The following ECPAS variants were observed in gnomAD, a reference collection of about 807,000 sequenced individuals.
The protein encoded by ECPAS is Ecm29 proteasome adaptor and scaffold.
Under a neutral mutation model 255.1 loss-of-function variants are expected in ECPAS, and 70 were observed. The observed-to-expected ratio is 0.27, with a 90% CI of 0.23 to 0.33. ECPAS has a LOEUF of 0.33. Among genes scored for constraint, ECPAS ranks in the 10% least tolerant of loss-of-function variants. ECPAS has a pLI of 1.00. For missense variants in ECPAS, 1,817 were observed against 2,206.4 expected, an observed-to-expected ratio of 0.82 and a Z score of 3.54; for synonymous variants, 784 against 775.0, an observed-to-expected ratio of 1.01 and a Z score of -0.19.
At chr9:111,451,977 G>A (rs973065561) in intron 2 of ECPAS, among the ~76,000 whole-genome samples, 1 of 152,126 alleles carries the variant, frequency 6.6e-6, no homozygotes, top group African/African-American at 2.4e-5. Context: ...CCAAAGACAG[G>A]ATCACTGCCC....
At chr9:111,371,154 C>T (rs2098126805) in intron 43 of ECPAS, among the ~76,000 whole-genome samples, 1 of 120,876 alleles carries the variant, frequency 8.3e-6, no homozygotes, top group Non-Finnish European at 1.9e-5. Flanking sequence ...ACTGAGTGTT[C>T]ACTGTTAAGA....
intron 3 of ECPAS, among the ~76,000 whole-genome samples, chr9:111,447,482 G>A (rs917150394): frequency 4.6e-5 from 7 of 151,932 alleles, no homozygotes; most frequent in African/African-American, 9.7e-5. Context: ...AAATATCGGC[G>A]AATTTCCTAA....
intron 48 of ECPAS, among the ~76,000 whole-genome samples, chr9:111,364,147 G>A (rs1257052935): frequency 6.6e-6 from 1 of 152,106 alleles, no homozygotes; most frequent in African/African-American, 2.4e-5. Context: ...CAACAACTGC[G>A]AATGAAACAT....
rs1029072445 is a variant in ECPAS at position 111,474,558 on chromosome 9, C to T, written c.-82-1558G>A. On this transcript the variant is annotated intron_variant, in intron 1 of 49. Coordinates refer to ENST00000684092, the MANE Select transcript of ECPAS (RefSeq NM_001364929.1). The stretch of plus-strand genomic sequence containing the variant: ...TGTTACACCAATGCCACCTGTTACC[C>T]GTACAAAACAGACCTACTCATGTTA... 3.3e-5 allele frequency among the ~76,000 whole-genome samples: 5 copies of T among 152,130 alleles called. No homozygotes were observed. The East Asian group carries it at 7.7e-4, about 23-fold the overall frequency.
chr9:111,477,893 T>C (rs2098298432), intron 1 of ECPAS, among the ~76,000 whole-genome samples: 1 of 151,934 alleles, frequency 6.6e-6, no homozygotes, highest in Non-Finnish European at 1.5e-5. Flanking sequence ...CTGCCTATTT[T>C]TGGCAACTTT....
Position 111,403,923 on chromosome 9 carries a change from A to G in ECPAS, c.2652+4648T>C, listed in dbSNP as rs148758210. Reference sequence around the variant, plus strand: ...CATATCAAGTATCTTTTCTGACCATAATGGAATAAAACTAGAAATCAGTAA... The same window carrying G: ...CATATCAAGTATCTTTTCTGACCATGATGGAATAAAACTAGAAATCAGTAA... On this transcript the variant is annotated intron_variant, in intron 24 of 49. Transcript: ENST00000684092. Among the ~76,000 whole-genome samples the G allele has an allele frequency of 2.0e-5, 3 of 150,130 alleles. 1 individual carries two copies. The highest frequency in any genetic ancestry group is 7.5e-5 in the African/African-American group (3 of 39,752).
At chr9:111,405,520 CAACT>C (rs1287585752) in intron 24 of ECPAS, among the ~76,000 whole-genome samples, 1 of 149,588 alleles carries the variant, frequency 6.7e-6, no homozygotes, top group Non-Finnish European at 1.5e-5. Context: ...AAAGCACAGA[CAACT>C]AAAGCAAAAA....
At chr9:111,461,531 T>A (rs1455051149) in intron 2 of ECPAS, among the ~76,000 whole-genome samples, 2 of 152,078 alleles carry the variant, frequency 1.3e-5, no homozygotes, top group Non-Finnish European at 2.9e-5. Context: ...AAAAAATAAG[T>A]AGACCACTTG....
intron 1 of ECPAS, among the ~76,000 whole-genome samples, chr9:111,475,347 A>T (rs566041435): frequency 2.0e-5 from 3 of 152,324 alleles, no homozygotes; most frequent in Admixed American, 2.0e-4. Flanking sequence ...TTTAACATCT[A>T]TCTTCTGAAC....
intron 48 of ECPAS, among the ~76,000 whole-genome samples, chr9:111,364,092 G>A (rs936868101): frequency 6.6e-6 from 1 of 152,188 alleles, no homozygotes; most frequent in Non-Finnish European, 1.5e-5. Context: ...AGCAAAGAGA[G>A]GTCTGTTGGC....
At chr9:111,364,529 A>C (rs1363533291) in intron 48 of ECPAS, among the ~76,000 whole-genome samples, 2 of 152,232 alleles carry the variant, frequency 1.3e-5, no homozygotes, top group African/African-American at 4.8e-5. Flanking sequence ...TCAAATGGTG[A>C]ATGTGGACAA....
At chr9:111,455,572 C>T (rs1406451729) in intron 2 of ECPAS, among the ~76,000 whole-genome samples, 1 of 152,188 alleles carries the variant, frequency 6.6e-6, no homozygotes, top group African/African-American at 2.4e-5. Context: ...AGCAGGGTTC[C>T]CACCATTCCC....
At chr9:111,457,730 A>C (rs1355358805) in intron 2 of ECPAS, among the ~76,000 whole-genome samples, 1 of 152,220 alleles carries the variant, frequency 6.6e-6, no homozygotes, top group African/African-American at 2.4e-5. Flanking sequence ...TACAAATGTG[A>C]AGAAAGTGTA....
chr9:111,476,953 C>T (rs931034462), intron 1 of ECPAS, among the ~76,000 whole-genome samples: 1 of 152,082 alleles, frequency 6.6e-6, no homozygotes, highest in Non-Finnish European at 1.5e-5. Flanking sequence ...CAGGCATGCG[C>T]CACCAGGTCT....
chr9:111,407,432 A>AAAAAAAAAAAAAAAC (rs2098186587), intron 24 of ECPAS, among the ~76,000 whole-genome samples: 1 of 142,760 alleles, frequency 7.0e-6, no homozygotes. Flanking sequence ...AAAAAAAAAA[A>AAAAAAAAAAAAAAAC]AAAAAACCTA....
chr9:111,382,009 AC>A (rs35395613), intron 35 of ECPAS, among the ~76,000 whole-genome samples: 3 of 35,602 alleles, frequency 8.4e-5, no homozygotes, highest in Non-Finnish European at 1.3e-4. Flanking sequence ...ATTTTGTAAA[AC>A]ACACACACAC....
intron 9 of ECPAS, among the ~76,000 whole-genome samples, chr9:111,428,773 A>T (rs1429548436): frequency 6.6e-6 from 1 of 152,120 alleles, no homozygotes; most frequent in Non-Finnish European, 1.5e-5. Context: ...GGTTAGTTGC[A>T]ATTTGGAGTT....
chr9:111,392,706 TCTCA>T, intron 28 of ECPAS, 58 bp downstream of exon 28: 1 of 1,108,052 alleles, frequency 9.0e-7, no homozygotes, highest in Non-Finnish European at 1.3e-6. Context: ...TCCAGCATCT[TCTCA>T]CTATGTGTAG....
intron 3 of ECPAS, among the ~76,000 whole-genome samples, chr9:111,446,078 T>G (rs1214528586): frequency 1.3e-5 from 2 of 152,242 alleles, no homozygotes; most frequent in African/African-American, 4.8e-5. Flanking sequence ...AGTCTATCAC[T>G]GATGGACATT....
Sources: allele counts gnomAD v4.1 joint callset (sites outside exome capture counted in the v4.1 genomes callset), GRCh38; gene constraint gnomAD v4.1.1; transcripts MANE v1.5; gene names NCBI Gene and HGNC (gene_info 2026-07-23, HGNC 2026-07-21).